F12: variants seen among roughly 807,000 people sequenced by gnomAD.
The protein encoded by F12 is coagulation factor XII.
A neutral mutation model predicts 74.8 loss-of-function variants in F12; 70 were observed. The observed-to-expected ratio is 0.94, with a 90% confidence interval of 0.77 to 1.14. The LOEUF (loss-of-function observed/expected upper bound fraction) is 1.14, where lower values mean the gene tolerates loss of function less well. Ranked by LOEUF, F12 falls within the 50% of genes most tolerant of loss-of-function variation. The pLI is 0.00. For missense variants in F12, 811 were observed against 835.7 expected, an observed-to-expected ratio of 0.97 and a Z score of 0.36; for synonymous variants, 373 against 356.4, an observed-to-expected ratio of 1.05 and a Z score of -0.52.
rs1398217439 is a variant in F12 at position 177,402,615 on chromosome 5, C to T, written c.1615G>A (p.Gly539Arg). ...LERCSAPDVH[G>R]SSILPGMLCA... ...AGCATGCCGGGGAGGATGGAGGATC[C>T]GTGCACGTCCGGGGCTGAGCAGCGC... Residue 539 changes from glycine (G) to arginine (R), a missense_variant, in exon 13 of 14, where the codon GGA becomes AGA. By Grantham distance (125) the Gly-to-Arg change is moderately radical. Transcript: ENST00000253496. 2 of 1,613,036 alleles carry T rather than the reference C, an allele frequency of 1.2e-6. No individual in the cohort carries two copies. Among genetic ancestry groups the T allele is most frequent in the African/African-American group, 1.3e-5 (1 of 74,940 alleles).
In F12 at chr5:177,403,242, A is replaced by G. The variant is rs372398405; in HGVS notation, c.1531+12T>C. The G allele has an allele frequency of 1.2e-4, 200 of 1,600,228 alleles. No individual in the cohort carries two copies. The African/African-American group carries it at 2.5e-3, about 20-fold the overall frequency. On this transcript the variant is annotated intron_variant, in intron 12 of 13. Transcript: ENST00000253496. ...CTCCTCCCCTACCCCTGCCCCTAGC[A>G]GTTGTGCCTACCCTCGAACTGGTGG... is the stretch of plus-strand genomic sequence containing the variant.
At position 177,404,812 on chromosome 5, in the gene F12, A is replaced by G. The variant is rs769852884; in HGVS notation, c.632T>C (p.Val211Ala). The change falls in exon 7 of 14, where the codon GTG (valine) becomes GCG (alanine). Residue 211 changes from valine (V) to alanine (A), a missense_variant and splice_region_variant. Coordinates refer to ENST00000253496, the MANE Select transcript of F12 (RefSeq NM_000505.4). Reference sequence around the variant, plus strand: ...GCTTGCCCCAGACCCTCACTCACCCACGTCGCAGAAGGCTCCGGTGTAGCC... The same window carrying G: ...GCTTGCCCCAGACCCTCACTCACCCGCGTCGCAGAAGGCTCCGGTGTAGCC... ...PVGYTGAFCDVDTKASCYDGR... is the reference protein window; with the variant it reads ...PVGYTGAFCDADTKASCYDGR... The G allele has an allele frequency of 1.9e-6, 3 of 1,604,728 alleles. No individual in the cohort carries two copies. The South Asian group carries it at 3.3e-5, about 18-fold the overall frequency.
Position 177,402,650 on chromosome 5 carries a change from A to C in F12, c.1580T>G (p.Leu527Arg). 6.2e-7 allele frequency: 1 copy of C among 1,612,860 alleles called. No individual in the cohort carries two copies. The highest frequency in any genetic ancestry group is 8.5e-7 in the Non-Finnish European group (1 of 1,180,014). Residue 527 changes from leucine to arginine, a missense_variant, in exon 13 of 14, where the codon CTC (leucine) becomes CGC (arginine). Transcript: ENST00000253496. ...CGGGGCTGAGCAGCGCTCCAGGGAGAGGAACGGTACCTGCGCCTCCTGCAG... is the reference window on the plus strand; with the variant it reads ...CGGGGCTGAGCAGCGCTCCAGGGAGCGGAACGGTACCTGCGCCTCCTGCAG... ...SFLQEAQVPF[L>R]SLERCSAPDV...
rs1206668959 is a variant in F12 at position 177,403,634 on chromosome 5, G to A, written c.1251-17C>T. On this transcript the variant is annotated splice_polypyrimidine_tract_variant and intron_variant, in intron 10 of 13. Transcript: ENST00000253496. ...GGTGCGGGCCTGCGGGGGGGGTAGG[G>A]GAGAGGCAGCGCTCTCAGACCTGGC... The A allele has an allele frequency of 1.3e-6, 2 of 1,599,388 alleles. No individual in the cohort carries two copies. The highest frequency in any genetic ancestry group is 2.7e-5 in the African/African-American group (2 of 74,786).
chr5:177,408,649 C>T (rs1371372005), intron 2 of F12, among the ~76,000 whole-genome samples: 1 of 152,236 alleles, frequency 6.6e-6, no homozygotes, highest in East Asian at 1.9e-4. Flanking sequence ...TAAAGCTGGG[C>T]TTCAGAGGCA....
Position 177,403,297 on chromosome 5 carries a change from C to T in F12, c.1488G>A (p.Glu496=), listed in dbSNP as rs936158978. The T allele has an allele frequency of 1.9e-6, 3 of 1,600,004 alleles. No individual in the cohort carries two copies. The East Asian group carries it at 6.7e-5, about 36-fold the overall frequency. The change falls in exon 12 of 14, where the codon GAG becomes GAA. Residue 496 remains glutamate, a synonymous_variant. Transcript: ENST00000253496. The part of the protein sequence containing the change: ...CLPSGAARPS[E]TTLCQVAGWG... ...AGCCGGCCACCTGGCAGAGCGTGGT[C>T]TCGGAGGGTCGCGCGGCGCCGCTTG...
At chr5:177,405,928 A>G (rs1257251828) in intron 3 of F12, 34 bp downstream of exon 3, 4 of 1,602,114 alleles carry the variant, frequency 2.5e-6, no homozygotes, top group Non-Finnish European at 3.4e-6. Flanking sequence ...CATGTCTCCC[A>G]GGCCCCTGCT....
chr5:177,409,518 G>C lies in F12; in HGVS notation c.10C>G (p.Leu4Val). 1 of 1,614,144 alleles carries C rather than the reference G, an allele frequency of 6.2e-7. No homozygotes were observed. Residue 4 changes from leucine (L) to valine (V), a missense_variant, in exon 1 of 14, where the codon CTG (leucine) becomes GTG (valine). Transcript: ENST00000253496. MRA[L>V]LLLGFLLVSL... ...ACCAGCAGGAACCCCAGGAGCAGCA[G>C]AGCCCTCATGGCATCCGTCCGTTGG... is the stretch of plus-strand genomic sequence containing the variant.
rs868107793 is a variant in F12 at position 177,406,204 on chromosome 5, C to A, written c.116-143G>T. The A allele has an allele frequency of 7.7e-6, 6 of 777,186 alleles. No individual in the cohort carries two copies. The African/African-American group carries it at 1.0e-4, about 13-fold the overall frequency. 48.1% of individuals were successfully genotyped at this position (777,186 alleles called of 1,614,324 possible). ...CACTTTCTGCTCTAAAAGTTGGGTT[C>A]AGGGCCGGGCGCGGTGGCTCAAGCC... On this transcript the variant is annotated intron_variant, in intron 2 of 13. Transcript: ENST00000253496.
At chr5:177,402,870 TC>T in intron 12 of F12, 172 bp from the exon 13 acceptor site, 2 of 946,114 alleles carry the variant, frequency 2.1e-6, no homozygotes, top group Non-Finnish European at 3.2e-6. Context: ...GAGGCTGAGG[TC>T]CAGAGAAAAG....
Position 177,409,560 on chromosome 5 carries a change from G to A in F12, c.-33C>T. 1 of 1,611,150 alleles carries A rather than the reference G, an allele frequency of 6.2e-7. No individual in the cohort carries two copies. Among genetic ancestry groups the A allele is most frequent in the Non-Finnish European group, 8.5e-7 (1 of 1,177,590 alleles). ...GTCCGTTGGTCCAGCTGCCTATCCA[G>A]GAGTCCAGATCAATAGGACTGGCCA... On this transcript the variant is annotated 5_prime_UTR_variant, in exon 1 of 14. Transcript: ENST00000253496.
At chr5:177,402,817 C>T (rs1301099790) in intron 12 of F12, 119 bp from the exon 13 acceptor site, 49 of 1,403,266 alleles carry the variant, frequency 3.5e-5, no homozygotes, top group Non-Finnish European at 4.8e-5. Context: ...TCGCAGCAAG[C>T]CCGAAGGGGA....
At chr5:177,407,995 A>G (rs978629247) in intron 2 of F12, among the ~76,000 whole-genome samples, 3 of 151,864 alleles carry the variant, frequency 2.0e-5, no homozygotes, top group Non-Finnish European at 4.4e-5. Context: ...CCACCAAGTC[A>G]GGCCCACCAG....
Position 177,402,384 on chromosome 5 carries a change from A to C in F12, c.1756T>G (p.Trp586Gly), listed in dbSNP as rs1211370036. Residue 586 changes from tryptophan to glycine, a missense_variant, in exon 14 of 14, where the codon TGG becomes GGG. Transcript: ENST00000253496. Reference sequence around the variant, plus strand: ...TTGCGGTCACCACAGCCCGATCCCCAGCTGATGATGCCTTGCAGGGTGAGC... The same window carrying C: ...TTGCGGTCACCACAGCCCGATCCCCCGCTGATGATGCCTTGCAGGGTGAGC... ...RRLTLQGIIS[W>G]GSGCGDRNKP... 17 of 1,613,522 alleles carry C rather than the reference A, an allele frequency of 1.1e-5. No individual in the cohort carries two copies. Among genetic ancestry groups the C allele is most frequent in the Non-Finnish European group, 1.4e-5 (17 of 1,179,948 alleles).
intron 12 of F12, 109 bp downstream of exon 12, chr5:177,403,145 C>T (rs1763182231): frequency 1.4e-6 from 2 of 1,455,026 alleles, no homozygotes; most frequent in Admixed American, 3.5e-5. Context: ...AGGTCAGCGC[C>T]ACCCATTCTG....
intron 2 of F12, among the ~76,000 whole-genome samples, chr5:177,406,700 C>T (rs1225574075): frequency 2.0e-5 from 3 of 152,190 alleles, no homozygotes; most frequent in East Asian, 1.9e-4. Flanking sequence ...ATCTGTAAAA[C>T]GGCAGTAATA....
At position 177,405,960 on chromosome 5, in the gene F12, A is replaced by C; in HGVS notation, c.215+2T>G. 1 of 1,613,766 alleles carries C rather than the reference A, an allele frequency of 6.2e-7. No homozygotes were observed. Among genetic ancestry groups the C allele is most frequent in the Non-Finnish European group, 8.5e-7 (1 of 1,179,750 alleles). On this transcript the variant is annotated splice_donor_variant, in intron 3 of 13. Coordinates refer to ENST00000253496, the MANE Select transcript of F12 (RefSeq NM_000505.4). LOFTEE classifies it high-confidence loss of function. The stretch of plus-strand genomic sequence containing the variant: ...TGCTCCAACTCCTCTGCGTAGTCTT[A>C]CCAGGGCTGAGGGCCTGGCCGGCCC...
At position 177,405,991 on chromosome 5, in the gene F12, G is replaced by A. The variant is rs1763280870; in HGVS notation, c.186C>T (p.Thr62=). 1.2e-6 allele frequency: 2 copies of A among 1,614,132 alleles called. No homozygotes were observed. The highest frequency in any genetic ancestry group is 8.5e-7 in the Non-Finnish European group (1 of 1,180,028). The change falls in exon 3 of 14, where the codon ACC becomes ACT. Residue 62 remains threonine (T), a synonymous_variant. Transcript: ENST00000253496. ...QYHRQLYHKC[T]HKGRPGPQPW... ...GCTGAGGGCCTGGCCGGCCCTTGTG[G>A]GTACATTTGTGGTACAGCTGCCGGT...
intron 4 of F12, 62 bp downstream of exon 4, chr5:177,405,673 C>T: frequency 6.6e-7 from 1 of 1,517,890 alleles, no homozygotes; most frequent in Admixed American, 1.7e-5. Context: ...TCTGGTGATA[C>T]CAGGAGAGTA....
Sources: allele counts gnomAD v4.1 joint callset (sites outside exome capture counted in the v4.1 genomes callset), GRCh38; gene constraint gnomAD v4.1.1; transcripts MANE v1.5; gene names NCBI Gene and HGNC (gene_info 2026-07-23, HGNC 2026-07-21).